WNT3: variants seen among roughly 807,000 people sequenced by gnomAD.
WNT3 encodes Wnt family member 3.
WNT3 carries 7 observed loss-of-function variants against 34.2 expected under a neutral mutation model. That is an observed-to-expected ratio of 0.20 (90% CI 0.12 to 0.38). The LOEUF (loss-of-function observed/expected upper bound fraction) is 0.38, where lower values mean the gene tolerates loss of function less well. WNT3 is among the 10% of genes least tolerant of loss of function. The pLI, the probability that WNT3 is intolerant of heterozygous loss-of-function variation, is 1.00. For synonymous variants in WNT3, 212 were observed against 211.5 expected (o/e 1.00, Z -0.02); for missense variants, 267 against 499.8 (o/e 0.53, Z 4.44).
At chr17:46,771,760 C>CCCGCG (rs568207694) in intron 2 of WNT3, among the ~76,000 whole-genome samples, 47 of 137,376 alleles carry the variant, frequency 3.4e-4, no homozygotes, top group African/African-American at 8.2e-4. Context: ...GCCCCCCGCC[C>CCCGCG]CCGCGCCGCG....
intron 2 of WNT3, among the ~76,000 whole-genome samples, chr17:46,773,377 G>A (rs1225568286): frequency 6.6e-6 from 1 of 152,090 alleles, no homozygotes; most frequent in Non-Finnish European, 1.5e-5. Flanking sequence ...TTGGGGAAAT[G>A]TCACAAATGT....
intron 2 of WNT3, among the ~76,000 whole-genome samples, chr17:46,771,981 A>C (rs1298354120): frequency 6.9e-6 from 1 of 145,890 alleles, no homozygotes; most frequent in African/African-American, 2.5e-5. Flanking sequence ...CGCCGCCCCC[A>C]GACTCGCGGA....
intron 1 of WNT3, among the ~76,000 whole-genome samples, chr17:46,775,879 C>G (rs2059408619): frequency 6.6e-6 from 1 of 152,100 alleles, no homozygotes. Context: ...TCCCAAAGTG[C>G]TGGGATTACA....
intron 1 of WNT3, among the ~76,000 whole-genome samples, chr17:46,807,205 G>A (rs1484067576): frequency 6.6e-6 from 1 of 152,218 alleles, no homozygotes; most frequent in Non-Finnish European, 1.5e-5. Flanking sequence ...AAAGAAGGCC[G>A]GGCCTGGTGG....
chr17:46,800,703 C>A (rs1185873813), intron 1 of WNT3, among the ~76,000 whole-genome samples: 1 of 152,208 alleles, frequency 6.6e-6, no homozygotes, highest in Non-Finnish European at 1.5e-5. Flanking sequence ...CATCCCACAA[C>A]CTGTCTTTGA....
intron 1 of WNT3, among the ~76,000 whole-genome samples, chr17:46,781,125 G>A (rs902288103): frequency 1.3e-5 from 2 of 151,942 alleles, no homozygotes; most frequent in African/African-American, 2.4e-5. Context: ...CTACTCAGGA[G>A]GCTGAGACAG....
chr17:46,784,815 G>A (rs1328352702), intron 1 of WNT3, among the ~76,000 whole-genome samples: 5 of 138,748 alleles, frequency 3.6e-5, no homozygotes, highest in African/African-American at 5.4e-5. Context: ...TCGCTCTGTC[G>A]CCCAGGCTGG....
Position 46,792,660 on chromosome 17 carries a change from G to A in WNT3, c.81-18751C>T, listed in dbSNP as rs140311850. Among the ~76,000 whole-genome samples, 515 of 152,212 alleles carry A rather than the reference G, an allele frequency of 3.4e-3. 5 individuals are homozygous for A. The highest frequency in any genetic ancestry group is 0.012 in the African/African-American group (494 of 41,524). ...GGCTAATTTTTGTATTTTTAGTAGA[G>A]ACAGAGTTTCACTATGTTGACCAGG... On this transcript the variant is annotated intron_variant, in intron 1 of 4. Coordinates refer to ENST00000225512, the MANE Select transcript of WNT3 (RefSeq NM_030753.5).
chr17:46,774,025 C>G (rs1254567963), intron 1 of WNT3, 116 bp from the exon 2 acceptor site: 1 of 1,431,078 alleles, frequency 7.0e-7, no homozygotes, highest in South Asian at 1.2e-5. Context: ...GGCCTGTGCC[C>G]TGGCACCTGA....
At chr17:46,806,806 G>A (rs1215334140) in intron 1 of WNT3, among the ~76,000 whole-genome samples, 1 of 152,238 alleles carries the variant, frequency 6.6e-6, no homozygotes, top group Non-Finnish European at 1.5e-5. Flanking sequence ...CTGGGTGAAT[G>A]GGGAGATCCC....
chr17:46,772,344 C>T (rs1347510336), intron 2 of WNT3, among the ~76,000 whole-genome samples: 2 of 152,230 alleles, frequency 1.3e-5, no homozygotes, highest in African/African-American at 4.8e-5. Flanking sequence ...ACGTTCAACG[C>T]GGAGTGAATG....
In WNT3 at chr17:46,762,664, T is replaced by C. The variant is rs1318909874; in HGVS notation, c.*1966A>G. 6.6e-6 allele frequency: 1 copy of C among 151,760 alleles called. No homozygotes were observed. Among genetic ancestry groups the C allele is most frequent in the Non-Finnish European group, 1.5e-5 (1 of 67,970 alleles). 9.4% of individuals were successfully genotyped at this position (151,760 alleles called of 1,614,324 possible). ...TAAATAATATTTATAAAAAGAGACT[T>C]TTTGAATATAAAATCAAAAAGATCA... On this transcript the variant is annotated 3_prime_UTR_variant, in exon 5 of 5. Transcript: ENST00000225512.
At chr17:46,800,327 T>C (rs916762193) in intron 1 of WNT3, among the ~76,000 whole-genome samples, 5 of 152,174 alleles carry the variant, frequency 3.3e-5, no homozygotes, top group Non-Finnish European at 5.9e-5. Flanking sequence ...GTCAGGCTGG[T>C]CTAGAACTCC....
At chr17:46,774,008 G>C in intron 1 of WNT3, 99 bp from the exon 2 acceptor site, 4 of 1,506,268 alleles carry the variant, frequency 2.7e-6, no homozygotes, top group Non-Finnish European at 3.6e-6. Flanking sequence ...TAGGTGGAGA[G>C]GCAGAGGGCC....
intron 1 of WNT3, among the ~76,000 whole-genome samples, chr17:46,776,327 G>C (rs1225325274): frequency 1.3e-5 from 2 of 152,256 alleles, no homozygotes; most frequent in East Asian, 3.8e-4. Flanking sequence ...GGCGCACACA[G>C]CACTGCCCCT....
In WNT3 at chr17:46,768,353, A is replaced by G. The variant is rs1343927671; in HGVS notation, c.1035T>C (p.Cys345=). Residue 345 remains cysteine (C), a synonymous_variant, in exon 4 of 5, where the codon TGT becomes TGC. Coordinates refer to ENST00000225512, the MANE Select transcript of WNT3 (RefSeq NM_030753.5). The surrounding 1 kb of genome is among the most constrained non-coding windows in gnomAD (Gnocchi z 5.0). ...AGGTGTGCACGTCGTAGATGCGAAT[A>G]CACTCCTGGCAGCTGACGTAGCAGC... ...HWCCYVSCQE[C]IRIYDVHTCK 6.2e-7 allele frequency: 1 copy of G among 1,613,790 alleles called. No homozygotes were observed. Among genetic ancestry groups the G allele is most frequent in the Admixed American group, 1.7e-5 (1 of 60,028 alleles).
intron 1 of WNT3, among the ~76,000 whole-genome samples, chr17:46,810,109 C>G (rs867849917): frequency 8.7e-5 from 13 of 150,276 alleles, no homozygotes; most frequent in African/African-American, 1.7e-4. Flanking sequence ...CAGGTTCAAG[C>G]GATTCTCCTG....
At chr17:46,800,903 G>A (rs141910567) in intron 1 of WNT3, among the ~76,000 whole-genome samples, 4 of 152,326 alleles carry the variant, frequency 2.6e-5, no homozygotes, top group Non-Finnish European at 4.4e-5. Context: ...TTTCAAGACT[G>A]AACAGGAGTT....
At chr17:46,771,984 C>T (rs943759030) in intron 2 of WNT3, among the ~76,000 whole-genome samples, 1 of 150,538 alleles carries the variant, frequency 6.6e-6, no homozygotes, top group African/African-American at 2.4e-5. Flanking sequence ...CGCCCCCAGA[C>T]TCGCGGAAGA....
Sources: gnomAD v4.1 joint callset for allele counts (sites outside exome capture counted in the v4.1 genomes callset) on GRCh38, gnomAD v4.1.1 for gene constraint, Gnocchi (gnomAD v3.1) non-coding constraint, MANE v1.5 for transcripts, NCBI Gene and HGNC (gene_info 2026-07-23, HGNC 2026-07-21) for gene names.